C2orf15: variants seen among roughly 807,000 people sequenced by gnomAD.
C2orf15 encodes chromosome 2 open reading frame 15, also known as uncharacterized protein C2orf15.
In C2orf15, 3 loss-of-function variants were observed where a neutral mutation model predicts 4.4. The observed-to-expected ratio is 0.67, with a 90% CI of 0.31 to 1.74. The LOEUF is 1.74. C2orf15 is among the 40% of genes most tolerant of loss of function. C2orf15 has a pLI of 0.09. For missense variants in C2orf15, 90 were observed against 103.3 expected (o/e 0.87, Z 0.56); for synonymous variants, 37 against 36.8 (o/e 1.00, Z -0.02).
Position 99,150,478 on chromosome 2 carries a change from TTC to T in C2orf15, c.-76-4_-76-3del. Reference sequence around the variant, plus strand: ...TTCACTTGTTACTTTTTTTTTTTTTTTCAGTAATCAAGTTGAAGAAACACTTC... The same window carrying T: ...TTCACTTGTTACTTTTTTTTTTTTTTAGTAATCAAGTTGAAGAAACACTTC... On this transcript the variant is annotated splice_region_variant and splice_polypyrimidine_tract_variant and intron_variant, in intron 3 of 3. Transcript: ENST00000650052. The T allele has an allele frequency of 6.7e-7, 1 of 1,484,358 alleles. No individual in the cohort carries two copies. The highest frequency in any genetic ancestry group is 9.1e-7 in the Non-Finnish European group (1 of 1,100,750). The allele number at this position is 1,484,358 out of a possible 1,614,324, so 91.9% of individuals were successfully genotyped here.
chr2:99,147,583 TTA>T (rs1325421339), intron 3 of C2orf15, 90 bp downstream of exon 3: 7 of 1,091,578 alleles, frequency 6.4e-6, no homozygotes, highest in Non-Finnish European at 9.7e-6. Context: ...AAATTGATAA[TTA>T]TATGTTACCA....
At chr2:99,149,260 T>C (rs2093664119) in intron 3 of C2orf15, among the ~76,000 whole-genome samples, 1 of 151,770 alleles carries the variant, frequency 6.6e-6, no homozygotes, top group Admixed American at 6.6e-5. Flanking sequence ...CTTGGGTAGA[T>C]CACTCTTCTC....
intron 3 of C2orf15, among the ~76,000 whole-genome samples, chr2:99,149,586 G>A (rs1377970593): frequency 6.6e-6 from 1 of 150,994 alleles, no homozygotes; most frequent in Non-Finnish European, 1.5e-5. Context: ...GGGACTACAG[G>A]TGCCCGCCAC....
intron 2 of C2orf15, chr2:99,147,090 T>C (rs1454068468): frequency 5.4e-6 from 1 of 185,796 alleles, no homozygotes; most frequent in Non-Finnish European, 1.1e-5. Context: ...TCTGTCATAT[T>C]CTACTGATTA....
intron 2 of C2orf15, among the ~76,000 whole-genome samples, chr2:99,142,936 A>T (rs2105118228): frequency 6.6e-6 from 1 of 152,256 alleles, no homozygotes; most frequent in East Asian, 1.9e-4. Flanking sequence ...TATGTATGCC[A>T]CCTAGACGGT....
chr2:99,150,457 C>T, intron 3 of C2orf15, 26 bp from the exon 4 acceptor site: 1 of 1,284,010 alleles, frequency 7.8e-7, no homozygotes, highest in Non-Finnish European at 1.1e-6. Flanking sequence ...GCTGCATTCA[C>T]TTGTTACTTT....
rs554126377 is a variant in C2orf15 at position 99,148,590 on chromosome 2, C to T, written c.-77+1097C>T. Among the ~76,000 whole-genome samples the T allele has an allele frequency of 2.0e-5, 3 of 152,316 alleles. No individual in the cohort carries two copies. In the South Asian group the frequency reaches 6.2e-4, roughly 32 times the overall value. On this transcript the variant is annotated intron_variant, in intron 3 of 3. Transcript: ENST00000650052. ...TTCAAGATGATTCTTTAGAAATGTT[C>T]AGTCAGTAATTACAGCTTGATGAGT...
chr2:99,145,358 GA>G (rs2105131415), intron 2 of C2orf15, among the ~76,000 whole-genome samples: 1 of 152,170 alleles, frequency 6.6e-6, no homozygotes, highest in Admixed American at 6.5e-5. Flanking sequence ...AGGAGTTCAA[GA>G]CCAGCCTGTT....
intron 3 of C2orf15, 40 bp downstream of exon 3, chr2:99,147,533 T>C (rs1466834340): frequency 1.3e-6 from 2 of 1,575,302 alleles, no homozygotes; most frequent in East Asian, 2.2e-5. Context: ...TTATACTTGG[T>C]TCCTCCTCAG....
At chr2:99,148,721 T>G (rs2093657264) in intron 3 of C2orf15, among the ~76,000 whole-genome samples, 1 of 152,180 alleles carries the variant, frequency 6.6e-6, no homozygotes, top group South Asian at 2.1e-4. Flanking sequence ...CTTGTAATCC[T>G]AGCACTTTGG....
chr2:99,151,507 C>A lies in C2orf15; in HGVS notation c.*673C>A, dbSNP rs1183889498. 1 of 150,300 alleles carries A rather than the reference C, an allele frequency of 6.7e-6. No homozygotes were observed. The highest frequency in any genetic ancestry group is 1.9e-4 in the East Asian group (1 of 5,152). 9.3% of individuals were successfully genotyped at this position (150,300 alleles called of 1,614,324 possible). On this transcript the variant is annotated 3_prime_UTR_variant, in exon 4 of 4. Coordinates refer to ENST00000650052, the MANE Select transcript of C2orf15 (RefSeq NM_144706.4). ...AAAAAAGTCCAAGCAATGTGACATC[C>A]GTATTTCACAATATTTCTGGTGTAT...
At chr2:99,143,311 T>G (rs557729134) in intron 2 of C2orf15, among the ~76,000 whole-genome samples, 10 of 151,298 alleles carry the variant, frequency 6.6e-5, no homozygotes, top group East Asian at 2.0e-4. Context: ...CCAGCTTTTT[T>G]TTTGTTTGTT....
chr2:99,147,432 G>T lies in C2orf15; in HGVS notation c.-138G>T, dbSNP rs1007420972. On this transcript the variant is annotated 5_prime_UTR_variant, in exon 3 of 4. Coordinates refer to ENST00000650052, the MANE Select transcript of C2orf15 (RefSeq NM_144706.4). Reference sequence around the variant, plus strand: ...TTCTTGAATGGCAACCTAAATGCCAGTCCAAAGAGGCCCCCAATAGACTTG... The same window carrying T: ...TTCTTGAATGGCAACCTAAATGCCATTCCAAAGAGGCCCCCAATAGACTTG... 3.7e-6 allele frequency: 6 copies of T among 1,611,920 alleles called. No individual in the cohort carries two copies. Among genetic ancestry groups the T allele is most frequent in the Non-Finnish European group, 5.1e-6 (6 of 1,178,238 alleles).
At chr2:99,149,101 G>A (rs571005385) in intron 3 of C2orf15, among the ~76,000 whole-genome samples, 1 of 151,406 alleles carries the variant, frequency 6.6e-6, no homozygotes, top group South Asian at 2.1e-4. Context: ...AACCTGCCGG[G>A]TGGAGGTCCA....
At chr2:99,150,183 C>T (rs776235131) in intron 3 of C2orf15, among the ~76,000 whole-genome samples, 14 of 152,086 alleles carry the variant, frequency 9.2e-5, no homozygotes, top group Non-Finnish European at 2.1e-4. Context: ...TTCTTTAGCC[C>T]ATTAGTAATG....
In C2orf15 at chr2:99,145,022, G is replaced by A. The variant is rs915025986; in HGVS notation, c.-168-2380G>A. On this transcript the variant is annotated intron_variant, in intron 2 of 3. Transcript: ENST00000650052. ...AAGCAACACAAATTTATTATCACAC[G>A]GTTCTGGAGATTTACAAGTTCAAAT... 3.9e-5 allele frequency among the ~76,000 whole-genome samples: 6 copies of A among 152,126 alleles called. No homozygotes were observed. The East Asian group carries it at 1.2e-3, about 29-fold the overall frequency.
At position 99,150,611 on chromosome 2, in the gene C2orf15, A is replaced by T. The variant is rs959051295; in HGVS notation, c.53A>T (p.Asp18Val). ...ACTCAGGTATCTGCTATACATATGG[A>T]TTCAAAAGTGGATGATCACTTAATA... is the stretch of plus-strand genomic sequence containing the variant. The part of the protein sequence containing the change: ...SATQVSAIHM[D>V]SKVDDHLIRG... Residue 18 changes from aspartate to valine, a missense_variant, in exon 4 of 4, where the codon GAT (aspartate) becomes GTT (valine). Coordinates refer to ENST00000650052, the MANE Select transcript of C2orf15 (RefSeq NM_144706.4). 6.2e-7 allele frequency: 1 copy of T among 1,613,932 alleles called. No homozygotes were observed. The highest frequency in any genetic ancestry group is 8.5e-7 in the Non-Finnish European group (1 of 1,179,968).
chr2:99,142,778 A>C (rs2093583848), intron 2 of C2orf15, among the ~76,000 whole-genome samples: 1 of 152,338 alleles, frequency 6.6e-6, no homozygotes, highest in East Asian at 1.9e-4. Flanking sequence ...TGAATACATT[A>C]TCTAGCATTA....
At chr2:99,143,554 T>TCC (rs2093600651) in intron 2 of C2orf15, among the ~76,000 whole-genome samples, 1 of 151,492 alleles carries the variant, frequency 6.6e-6, no homozygotes, top group Non-Finnish European at 1.5e-5. Flanking sequence ...CACTGCACCC[T>TCC]CCACCTTTCA....
Sources: gnomAD v4.1 joint callset for allele counts (sites outside exome capture counted in the v4.1 genomes callset) on GRCh38, gnomAD v4.1.1 for gene constraint, MANE v1.5 for transcripts, NCBI Gene and HGNC (gene_info 2026-07-23, HGNC 2026-07-21) for gene names.